Variants in WNT7A observed in about 807,000 individuals in gnomAD.
The protein encoded by WNT7A is protein Wnt-7a.
In WNT7A, 16 loss-of-function variants were observed where a neutral mutation model predicts 28.2. The observed-to-expected ratio is 0.57, with a 90% CI of 0.38 to 0.86. WNT7A has a LOEUF of 0.86. Among genes scored for constraint, WNT7A ranks in the 40% least tolerant of loss-of-function variants. WNT7A has a pLI of 0.00. For missense variants in WNT7A, 411 were observed against 489.7 expected (o/e 0.84, Z 1.52); for synonymous variants, 190 against 195.9 (o/e 0.97, Z 0.25).
In WNT7A at chr3:13,874,951, T is replaced by G; in HGVS notation, c.294A>C (p.Lys98Asn). The G allele has an allele frequency of 1.2e-6, 2 of 1,613,986 alleles. No individual in the cohort carries two copies. The highest frequency in any genetic ancestry group is 1.7e-6 in the Non-Finnish European group (2 of 1,180,026). Residue 98 changes from lysine to asparagine, a missense_variant, in exon 2 of 4, where the codon AAA becomes AAC. Coordinates refer to ENST00000285018, the MANE Select transcript of WNT7A (RefSeq NM_004625.4). ...GGTGTTTGGGTGAGCACATACCCAC[T>G]TTGAGCTCCTTCCCGAAGACGGTGC... ...GERTVFGKEL[K>N]VGSREAAFTY...
chr3:13,860,932 C>T (rs1025164622), intron 2 of WNT7A, among the ~76,000 whole-genome samples: 1 of 152,202 alleles, frequency 6.6e-6, no homozygotes, highest in Admixed American at 6.5e-5. Context: ...CAAAATGTTT[C>T]TTATTCACCA....
intron 2 of WNT7A, among the ~76,000 whole-genome samples, chr3:13,865,594 C>T (rs1273893983): frequency 6.6e-6 from 1 of 152,182 alleles, no homozygotes; most frequent in Non-Finnish European, 1.5e-5. Context: ...AGTAAACAGC[C>T]GTCACTCACG....
At chr3:13,870,779 G>A (rs954269551) in intron 2 of WNT7A, among the ~76,000 whole-genome samples, 1 of 152,370 alleles carries the variant, frequency 6.6e-6, no homozygotes, top group African/African-American at 2.4e-5. Flanking sequence ...TGCCCCAAGA[G>A]GTGGCCCTGG....
chr3:13,862,269 G>C (rs1694842717), intron 2 of WNT7A, among the ~76,000 whole-genome samples: 1 of 152,218 alleles, frequency 6.6e-6, no homozygotes, highest in Non-Finnish European at 1.5e-5. Flanking sequence ...TGTGGTTCCA[G>C]CTCCATAACG....
intron 3 of WNT7A, among the ~76,000 whole-genome samples, chr3:13,851,524 C>T (rs935944218): frequency 6.6e-6 from 1 of 152,174 alleles, no homozygotes; most frequent in African/African-American, 2.4e-5. Flanking sequence ...CAAGAGGAAA[C>T]AAACCACTCT....
intron 3 of WNT7A, among the ~76,000 whole-genome samples, chr3:13,840,146 T>A (rs967677364): frequency 1.3e-5 from 2 of 152,224 alleles, no homozygotes; most frequent in African/African-American, 4.8e-5. Context: ...CTGACTCAAA[T>A]GCAATTCCCC....
At chr3:13,837,841 T>A (rs1007983795) in intron 3 of WNT7A, among the ~76,000 whole-genome samples, 2 of 152,150 alleles carry the variant, frequency 1.3e-5, no homozygotes, top group Non-Finnish European at 2.9e-5. Flanking sequence ...AAAGAAGCCC[T>A]ATGAACTTCC....
chr3:13,868,914 G>A (rs535814464), intron 2 of WNT7A, among the ~76,000 whole-genome samples: 15 of 138,314 alleles, frequency 1.1e-4, no homozygotes, highest in African/African-American at 3.9e-4. Context: ...AAGGAAAGAA[G>A]GAAGGAAGGA....
chr3:13,834,128 T>G (rs946210286), intron 3 of WNT7A, among the ~76,000 whole-genome samples: 4 of 152,178 alleles, frequency 2.6e-5, no homozygotes, highest in African/African-American at 9.7e-5. Context: ...CTGGAAAATG[T>G]TTTTAAAACA....
At chr3:13,869,876 GC>G (rs1323025733) in intron 2 of WNT7A, among the ~76,000 whole-genome samples, 1 of 152,162 alleles carries the variant, frequency 6.6e-6, no homozygotes, top group Non-Finnish European at 1.5e-5. Context: ...CAGCTAGCCT[GC>G]CATCTCACAG....
intron 2 of WNT7A, among the ~76,000 whole-genome samples, chr3:13,856,303 G>A (rs1423741553): frequency 3.3e-5 from 5 of 152,250 alleles, no homozygotes; most frequent in Non-Finnish European, 5.9e-5. Context: ...GAGTGCCAGC[G>A]CCTGCCTGAC....
Position 13,868,592 on chromosome 3 carries a change from G to GA in WNT7A, c.298+6354dup, listed in dbSNP as rs1559306974. On this transcript the variant is annotated intron_variant, in intron 2 of 3. Transcript: ENST00000285018. ...AGAGAGAGAGAGAGAGAGAGAGAGGGAGAAAGAAAGAAAGAAAGAGAGAGA... is the reference window on the plus strand; with the variant it reads ...AGAGAGAGAGAGAGAGAGAGAGAGGGAAGAAAGAAAGAAAGAAAGAGAGAGA... 4.6e-3 allele frequency among the ~76,000 whole-genome samples: 77 copies of GA among 16,908 alleles called. 6 individuals carry two copies. Among genetic ancestry groups the GA allele is most frequent in the Non-Finnish European group, 5.5e-3 (58 of 10,516 alleles). The allele number at this position is 16,908 out of a possible 152,430, so 11.1% of individuals were successfully genotyped here.
At chr3:13,831,985 C>T (rs150580985) in intron 3 of WNT7A, among the ~76,000 whole-genome samples, 52 of 152,218 alleles carry the variant, frequency 3.4e-4, no homozygotes, top group African/African-American at 1.2e-3. Context: ...GCCTTGGACC[C>T]CCAACCCCGG....
chr3:13,820,971 C>A (rs993103246), intron 3 of WNT7A, among the ~76,000 whole-genome samples: 1 of 152,200 alleles, frequency 6.6e-6, no homozygotes, highest in African/African-American at 2.4e-5. Context: ...CCCAGGACCC[C>A]CCCACACGCA....
chr3:13,865,913 C>T (rs747313195), intron 2 of WNT7A, among the ~76,000 whole-genome samples: 4 of 152,236 alleles, frequency 2.6e-5, no homozygotes, highest in Non-Finnish European at 5.9e-5. Flanking sequence ...AACAAAGTCA[C>T]TTCCAAAAGT....
intron 2 of WNT7A, among the ~76,000 whole-genome samples, chr3:13,859,652 T>G (rs1229276343): frequency 6.6e-6 from 1 of 152,202 alleles, no homozygotes; most frequent in Admixed American, 6.5e-5. Context: ...GCTTTGAAGA[T>G]AAGCACTTTG....
At chr3:13,875,906 T>C (rs1213558322) in intron 1 of WNT7A, 5 of 152,820 alleles carry the variant, frequency 3.3e-5, no homozygotes, top group Non-Finnish European at 5.8e-5. Context: ...CCACGTACCA[T>C]GCTAGGAGAC....
chr3:13,842,074 G>A (rs1193453966), intron 3 of WNT7A, among the ~76,000 whole-genome samples: 1 of 149,778 alleles, frequency 6.7e-6, no homozygotes, highest in Non-Finnish European at 1.5e-5. Context: ...AGGGGAAGGA[G>A]ACAGGGGTGA....
intron 2 of WNT7A, among the ~76,000 whole-genome samples, chr3:13,856,163 C>T (rs1037242840): frequency 2.0e-5 from 3 of 152,222 alleles, no homozygotes; most frequent in Non-Finnish European, 4.4e-5. Flanking sequence ...CGTGCCATGC[C>T]AGCCCACCCA....
Sources: gnomAD v4.1 joint callset for allele counts (sites outside exome capture counted in the v4.1 genomes callset) on GRCh38, gnomAD v4.1.1 for gene constraint, MANE v1.5 for transcripts, NCBI Gene and HGNC (gene_info 2026-07-23, HGNC 2026-07-21) for gene names.